OSBPL5: variants seen among roughly 807,000 people sequenced by gnomAD.
OSBPL5 encodes oxysterol binding protein like 5, also known as oxysterol-binding protein-related protein 5.
In OSBPL5, 71 loss-of-function variants were observed where a neutral mutation model predicts 111.2. That is an observed-to-expected ratio of 0.64 (90% CI 0.53 to 0.78). The LOEUF (loss-of-function observed/expected upper bound fraction) is 0.78, where lower values mean the gene tolerates loss of function less well. OSBPL5 is among the 30% of genes least tolerant of loss of function. The pLI is 0.00. For missense variants in OSBPL5, 1,210 were observed against 1,189.3 expected (o/e 1.02, Z -0.26); for synonymous variants, 549 against 513.9 (o/e 1.07, Z -0.93).
At chr11:3,100,369 C>A in intron 13 of OSBPL5, 113 bp from the exon 14 acceptor site, 2 of 843,448 alleles carry the variant, frequency 2.4e-6, no homozygotes, top group Non-Finnish European at 3.9e-6. Context: ...ACGCTCCTGG[C>A]ACTTCCAGTG....
At chr11:3,117,057 T>C (rs1280859933) in intron 7 of OSBPL5, among the ~76,000 whole-genome samples, 1 of 152,224 alleles carries the variant, frequency 6.6e-6, no homozygotes, top group Non-Finnish European at 1.5e-5. Context: ...AAACTATCTG[T>C]GAGTATTCGT....
chr11:3,152,989 T>C (rs1327140525), intron 1 of OSBPL5, among the ~76,000 whole-genome samples: 2 of 152,050 alleles, frequency 1.3e-5, no homozygotes, highest in Non-Finnish European at 2.9e-5. Flanking sequence ...TGGGCGGGAA[T>C]GAGCATTGAC....
intron 14 of OSBPL5, among the ~76,000 whole-genome samples, chr11:3,097,035 A>G (rs1857288507): frequency 5.9e-5 from 1 of 16,894 alleles, no homozygotes; most frequent in African/African-American, 2.8e-4. Context: ...AGGAGAGGAA[A>G]GAGGGAAGAC....
At chr11:3,159,392 G>A (rs572538355) in intron 1 of OSBPL5, among the ~76,000 whole-genome samples, 2 of 152,336 alleles carry the variant, frequency 1.3e-5, no homozygotes, top group African/African-American at 4.8e-5. Flanking sequence ...CGCTGGTAGG[G>A]AGTGTGCAGG....
At chr11:3,118,926 C>A (rs546631810) in intron 7 of OSBPL5, among the ~76,000 whole-genome samples, 65 of 152,146 alleles carry the variant, frequency 4.3e-4, no homozygotes, top group African/African-American at 1.5e-3. Flanking sequence ...GGGGTTCACA[C>A]TGGCATGTGG....
chr11:3,127,847 C>A (rs548344338), intron 2 of OSBPL5, among the ~76,000 whole-genome samples: 1 of 152,314 alleles, frequency 6.6e-6, no homozygotes, highest in African/African-American at 2.4e-5. Context: ...CACCCCACTC[C>A]CTTGGCCTGG....
intron 1 of OSBPL5, among the ~76,000 whole-genome samples, chr11:3,150,909 G>A (rs949487612): frequency 2.0e-5 from 3 of 152,152 alleles, no homozygotes; most frequent in Admixed American, 6.5e-5. Context: ...CAGGAGTCAC[G>A]GCGGGCTGCC....
Position 3,107,580 on chromosome 11 carries a change from C to CCACATTTGA in OSBPL5, c.867-134_867-126dup, listed in dbSNP as rs1857750502. On this transcript the variant is annotated intron_variant, in intron 8 of 21. Transcript: ENST00000263650. This position sits in a 1 kb window ranked among gnomAD's most constrained non-coding sequence, Gnocchi z 6.1. ...TCCTGCCTGTCGTCACCTCCACAAC[C>CCACATTTGA]CACATTTGACACGATCAGCCCCGTT... 7 of 1,369,046 alleles carry CCACATTTGA rather than the reference C, an allele frequency of 5.1e-6. No homozygotes were observed. Among genetic ancestry groups the CCACATTTGA allele is most frequent in the Non-Finnish European group, 6.1e-6 (6 of 985,228 alleles). 84.8% of individuals were successfully genotyped at this position (1,369,046 alleles called of 1,614,324 possible). A position where few individuals can be genotyped will look rare whatever the true frequency, so the allele number is the denominator to read the frequency against.
rs192288574 is a variant in OSBPL5 at position 3,101,581 on chromosome 11, G to A, written c.1522+22C>T. The A allele has an allele frequency of 3.3e-4, 535 of 1,600,814 alleles. 3 individuals carry two copies. The African/African-American group carries it at 6.1e-3, about 18-fold the overall frequency. On this transcript the variant is annotated intron_variant, in intron 13 of 21. Coordinates refer to ENST00000263650, the MANE Select transcript of OSBPL5 (RefSeq NM_020896.4). ...TCGCATTTCCCTGAGGCCCCAGGGA[G>A]CGCCCAGGGTGACCCCCTCACCATA...
At chr11:3,129,408 C>T in intron 1 of OSBPL5, 1 of 314,472 alleles carries the variant, frequency 3.2e-6, no homozygotes, top group East Asian at 5.2e-5. Context: ...CTGGACGGAG[C>T]CCTGGTCAGA....
Position 3,092,571 on chromosome 11 carries a change from G to A in OSBPL5, c.2133-13C>T, listed in dbSNP as rs1170609120. On this transcript the variant is annotated splice_polypyrimidine_tract_variant and intron_variant, in intron 18 of 21. Coordinates refer to ENST00000263650, the MANE Select transcript of OSBPL5 (RefSeq NM_020896.4). The surrounding 1 kb of genome is among the most constrained non-coding windows in gnomAD (Gnocchi z 5.4). ...CCAGGGGCTGTGGCTGGAGGGTCCA[G>A]AGGGCGTTCATCAGCACAGGCAGTG... 2 of 1,577,722 alleles carry A rather than the reference G, an allele frequency of 1.3e-6. No individual in the cohort carries two copies. The highest frequency in any genetic ancestry group is 1.7e-6 in the Non-Finnish European group (2 of 1,160,600).
rs1857522677 is a variant in OSBPL5, at chr11:3,103,332, CAGG to C, written c.1245-15_1245-13del. 3.1e-6 allele frequency: 5 copies of C among 1,597,094 alleles called. No individual in the cohort carries two copies. Among genetic ancestry groups the C allele is most frequent in the East Asian group, 2.3e-5 (1 of 44,088 alleles). On this transcript the variant is annotated splice_polypyrimidine_tract_variant and intron_variant, in intron 10 of 21. Coordinates refer to ENST00000263650, the MANE Select transcript of OSBPL5 (RefSeq NM_020896.4). ...CCTCCACCGCAGCCCTGCCATGGGG[CAGG>C]AGAACGCTGACCCCAGCTCCGGGGG...
chr11:3,122,423 C>G lies in OSBPL5; in HGVS notation c.225G>C (p.Glu75Asp). 6.2e-7 allele frequency: 1 copy of G among 1,613,742 alleles called. No homozygotes were observed. The highest frequency in any genetic ancestry group is 1.7e-5 in the Admixed American group (1 of 59,994). ...TGTCTGACCCGTTGCACAGCCTGTA[C>G]TCTGCCTGAAAGAGAGAGGTGGGTA... ...PSSATKVPPA[E>D]YRLCNGSDKE... is the part of the protein sequence containing the mutation. Residue 75 changes from glutamate (E) to aspartate (D), a missense_variant, in exon 4 of 22, where the codon GAG (glutamate) becomes GAC (aspartate). Coordinates refer to ENST00000263650, the MANE Select transcript of OSBPL5 (RefSeq NM_020896.4).
chr11:3,093,419 C>G, intron 17 of OSBPL5, 108 bp downstream of exon 17: 1 of 1,493,512 alleles, frequency 6.7e-7, no homozygotes, highest in Non-Finnish European at 9.0e-7. Flanking sequence ...GCCCTCCCTG[C>G]CAGGGACATC....
intron 7 of OSBPL5, among the ~76,000 whole-genome samples, chr11:3,115,002 TCA>T (rs1272881983): frequency 6.6e-6 from 1 of 152,196 alleles, no homozygotes; most frequent in African/African-American, 2.4e-5. Context: ...CTTGCCAGTT[TCA>T]GTTTTCTCTT....
intron 1 of OSBPL5, among the ~76,000 whole-genome samples, chr11:3,131,571 CCATCCATCCATCCACCCATT>C (rs1360747091): frequency 1.4e-5 from 2 of 140,580 alleles, no homozygotes; most frequent in Admixed American, 1.4e-4. Flanking sequence ...ATTCATCCAT[CCATCCATCCATCCACCCATT>C]CATCCATCCA....
At position 3,130,341 on chromosome 11, in the gene OSBPL5, G is replaced by A. The variant is rs1404128129; in HGVS notation, c.-21-1172C>T. 6.6e-6 allele frequency among the ~76,000 whole-genome samples: 1 copy of A among 152,248 alleles called. No individual in the cohort carries two copies. Among genetic ancestry groups the A allele is most frequent in the East Asian group, 1.9e-4 (1 of 5,194 alleles). On this transcript the variant is annotated intron_variant, in intron 1 of 21. Transcript: ENST00000263650. The surrounding 1 kb of genome is among the most constrained non-coding windows in gnomAD (Gnocchi z 4.5). ...GGCTGCTTCCTGCTGCCTCAGGGCA[G>A]GCCAGTGGCATCCTGCCAAGCCCGG...
chr11:3,104,661 C>T lies in OSBPL5; in HGVS notation c.1060-284G>A, dbSNP rs1438083064. 6.6e-6 allele frequency among the ~76,000 whole-genome samples: 1 copy of T among 152,156 alleles called. No homozygotes were observed. The highest frequency in any genetic ancestry group is 1.9e-4 in the East Asian group (1 of 5,192). ...CCCATGCCCTGCCCTCCTCAAAGTCCAGGGTGCAGCCTCCCAACACCTGCT... is the reference window on the plus strand; with the variant it reads ...CCCATGCCCTGCCCTCCTCAAAGTCTAGGGTGCAGCCTCCCAACACCTGCT... On this transcript the variant is annotated intron_variant, in intron 9 of 21. Coordinates refer to ENST00000263650, the MANE Select transcript of OSBPL5 (RefSeq NM_020896.4). This position sits in a 1 kb window ranked among gnomAD's most constrained non-coding sequence, Gnocchi z 5.0.
At position 3,094,401 on chromosome 11, in the gene OSBPL5, A is replaced by C. The variant is rs77794543; in HGVS notation, c.1622-67T>G. 141 of 1,292,878 alleles carry C rather than the reference A, an allele frequency of 1.1e-4. No individual in the cohort carries two copies. In the African/African-American group the frequency reaches 2.0e-3, roughly 19 times the overall value. 80.1% of individuals were successfully genotyped at this position (1,292,878 alleles called of 1,614,324 possible). A position where few individuals can be genotyped will look rare whatever the true frequency, so the allele number is the denominator to read the frequency against. ...TGCTGAGCCCCAGGCCCTGCTGAGT[A>C]CCGACCCAGCAGCACCGATCCCTGA... On this transcript the variant is annotated intron_variant, in intron 14 of 21. Transcript: ENST00000263650.
Sources: gnomAD v4.1 joint callset for allele counts (sites outside exome capture counted in the v4.1 genomes callset) on GRCh38, gnomAD v4.1.1 for gene constraint, Gnocchi (gnomAD v3.1) non-coding constraint, MANE v1.5 for transcripts, NCBI Gene and HGNC (gene_info 2026-07-23, HGNC 2026-07-21) for gene names.